Variants in ZNF761 observed in about 807,000 individuals in gnomAD.
The protein encoded by ZNF761 is zinc finger protein 761.
ZNF761 carries 43 observed loss-of-function variants against 59.9 expected under a neutral mutation model. The ratio of observed to expected loss-of-function variants is 0.72; its 90% CI spans 0.56 to 0.92. The LOEUF is 0.92. Ranked by LOEUF, ZNF761 falls within the 40% of genes least tolerant of loss-of-function variation. ZNF761 has a pLI of 0.00. For missense variants in ZNF761, 850 were observed against 906.1 expected (o/e 0.94, Z 0.79); for synonymous variants, 294 against 304.8 (o/e 0.96, Z 0.37).
chr19:53,435,288 C>T (rs566241206), intron 1 of ZNF761, among the ~76,000 whole-genome samples: 13 of 104,628 alleles, frequency 1.2e-4, no homozygotes, highest in African/African-American at 4.6e-4. Context: ...AAATACAAGT[C>T]CTTTTTTTTT....
Position 53,456,430 on chromosome 19 carries a change from A to G in ZNF761, c.1923A>G (p.Lys641=). ...CTTACAAATGTGAAGAATGTGACAA[A>G]GCTTTCCGTGTGAAATCAAACCTTG... The part of the protein sequence containing the change: ...EKPYKCEECD[K]AFRVKSNLEG... The change falls in exon 5 of 5, where the codon AAA becomes AAG. Residue 641 remains lysine (K), a synonymous_variant. Coordinates refer to ENST00000684525, the MANE Select transcript of ZNF761 (RefSeq NM_001289951.2). 6.2e-7 allele frequency: 1 copy of G among 1,612,492 alleles called. No individual in the cohort carries two copies. Among genetic ancestry groups the G allele is most frequent in the Non-Finnish European group, 8.5e-7 (1 of 1,179,676 alleles).
chr19:53,449,417 A>G, intron 3 of ZNF761, 95 bp from the exon 4 acceptor site: 1 of 1,603,338 alleles, frequency 6.2e-7, no homozygotes, highest in East Asian at 2.2e-5. Flanking sequence ...CATTCACTGC[A>G]TTTAAATCCA....
chr19:53,442,318 G>A (rs191483093), intron 1 of ZNF761: 28 of 1,206,530 alleles, frequency 2.3e-5, no homozygotes, highest in South Asian at 2.1e-4. Context: ...GCAGAGTCCC[G>A]TTGCTGAGAG....
chr19:53,436,534 C>A (rs1302748042), intron 1 of ZNF761, among the ~76,000 whole-genome samples: 1 of 152,210 alleles, frequency 6.6e-6, no homozygotes, highest in Non-Finnish European at 1.5e-5. Flanking sequence ...AAGAGCTGAT[C>A]TTATCTCAGA....
At chr19:53,450,662 T>C (rs1276487479) in intron 4 of ZNF761, among the ~76,000 whole-genome samples, 1 of 152,128 alleles carries the variant, frequency 6.6e-6, no homozygotes, top group Non-Finnish European at 1.5e-5. Flanking sequence ...TACAGTTCAG[T>C]GGTACGATCT....
intron 2 of ZNF761, 34 bp from the exon 3 acceptor site, chr19:53,447,162 T>A (rs1426802054): frequency 1.4e-6 from 2 of 1,447,096 alleles, no homozygotes; most frequent in Non-Finnish European, 1.9e-6. Context: ...GCGTGTTGAT[T>A]CTGAGCAATA....
At chr19:53,441,849 G>C (rs1432075525) in intron 1 of ZNF761, 2 of 1,556,040 alleles carry the variant, frequency 1.3e-6, no homozygotes, top group Admixed American at 1.7e-5. Context: ...GTGAGCAGTA[G>C]CTGGGTGGGC....
At chr19:53,447,523 G>A (rs1443505643) in intron 3 of ZNF761, among the ~76,000 whole-genome samples, 1 of 152,162 alleles carries the variant, frequency 6.6e-6, no homozygotes, top group East Asian at 1.9e-4. Flanking sequence ...CCCAGACATG[G>A]ATGGAGACGG....
In ZNF761 at chr19:53,435,289, C is replaced by CTTTTTTTTTTTTTTT. The variant is rs368157010; in HGVS notation, c.-185+3279_-185+3293dup. 2.4e-4 allele frequency among the ~76,000 whole-genome samples: 13 copies of CTTTTTTTTTTTTTTT among 53,616 alleles called. 1 individual carries two copies. Among genetic ancestry groups the CTTTTTTTTTTTTTTT allele is most frequent in the African/African-American group, 8.9e-4 (11 of 12,362 alleles). The allele number at this position is 53,616 out of a possible 152,430, so 35.2% of individuals were successfully genotyped here. On this transcript the variant is annotated intron_variant, in intron 1 of 4. Coordinates refer to ENST00000684525, the MANE Select transcript of ZNF761 (RefSeq NM_001289951.2). ...GGTCGTCTGGCTATAAATACAAGTC[C>CTTTTTTTTTTTTTTT]TTTTTTTTTTTTTTTTTTTTTTTTT...
At chr19:53,448,862 T>C (rs973060611) in intron 3 of ZNF761, among the ~76,000 whole-genome samples, 1 of 151,092 alleles carries the variant, frequency 6.6e-6, no homozygotes, top group African/African-American at 2.4e-5. Context: ...AACCTCTGCC[T>C]CCTGGGATCA....
At position 53,447,287 on chromosome 19, in the gene ZNF761, A is replaced by G. The variant is rs373417845; in HGVS notation, c.15+4A>G. On this transcript the variant is annotated splice_donor_region_variant and intron_variant, in intron 3 of 4. Coordinates refer to ENST00000684525, the MANE Select transcript of ZNF761 (RefSeq NM_001289951.2). ...GTCAGGGATGGCTTTTTCTCAGGTGAGATGATATTTTCAGTGGATTGTTCT... is the reference window on the plus strand; with the variant it reads ...GTCAGGGATGGCTTTTTCTCAGGTGGGATGATATTTTCAGTGGATTGTTCT... The G allele has an allele frequency of 2.2e-5, 36 of 1,613,136 alleles. No individual in the cohort carries two copies. The highest frequency in any genetic ancestry group is 2.7e-5 in the Non-Finnish European group (32 of 1,179,576).
intron 1 of ZNF761, among the ~76,000 whole-genome samples, chr19:53,434,193 A>G (rs551882514): frequency 9.9e-5 from 15 of 152,196 alleles, no homozygotes; most frequent in Non-Finnish European, 2.2e-4. Flanking sequence ...GTGCCCAGGT[A>G]GCTGGCCTAG....
chr19:53,434,637 AG>A (rs2086017408), intron 1 of ZNF761, among the ~76,000 whole-genome samples: 1 of 152,188 alleles, frequency 6.6e-6, no homozygotes, highest in Admixed American at 6.5e-5. Context: ...AGTCTGTAAA[AG>A]CTTTTCCTTA....
At chr19:53,437,351 C>T (rs2708807) in intron 1 of ZNF761, among the ~76,000 whole-genome samples, 110,921 of 151,598 alleles carry the variant, frequency 0.73, 40,992 homozygotes, top group Non-Finnish European at 0.77. Context: ...CACTACATAA[C>T]GTTGCTAATG....
rs757413886 is a variant in ZNF761 at position 53,456,442 on chromosome 19, G to C, written c.1935G>C (p.Val645=). The change falls in exon 5 of 5, where the codon GTG becomes GTC. Residue 645 remains valine, a synonymous_variant. Transcript: ENST00000684525. ...AAGAATGTGACAAAGCTTTCCGTGT[G>C]AAATCAAACCTTGAAGGACATAGGA... ...KCEECDKAFR[V]KSNLEGHRRI... is the part of the protein sequence containing the mutation. 6.2e-7 allele frequency: 1 copy of C among 1,612,740 alleles called. No individual in the cohort carries two copies. Among genetic ancestry groups the C allele is most frequent in the African/African-American group, 1.3e-5 (1 of 74,532 alleles).
chr19:53,450,661 G>A (rs1172974660), intron 4 of ZNF761, among the ~76,000 whole-genome samples: 1 of 152,082 alleles, frequency 6.6e-6, no homozygotes, highest in African/African-American at 2.4e-5. Context: ...CTACAGTTCA[G>A]TGGTACGATC....
rs1427938718 is a variant in ZNF761, at chr19:53,441,678, C to A, written c.-184-4549C>A. ...GCCAGGCTGGCCTTGAACTCCTGACCTCAGGTGATCCACTCGCCTTGGCCT... is the reference window on the plus strand; with the variant it reads ...GCCAGGCTGGCCTTGAACTCCTGACATCAGGTGATCCACTCGCCTTGGCCT... On this transcript the variant is annotated intron_variant, in intron 1 of 4. Coordinates refer to ENST00000684525, the MANE Select transcript of ZNF761 (RefSeq NM_001289951.2). 9 of 481,866 alleles carry A rather than the reference C, an allele frequency of 1.9e-5. No homozygotes were observed. In the East Asian group the frequency reaches 3.4e-4, roughly 18 times the overall value. 29.8% of individuals were successfully genotyped at this position (481,866 alleles called of 1,614,324 possible). A position where few individuals can be genotyped will look rare whatever the true frequency, so the allele number is the denominator to read the frequency against.
In ZNF761 at chr19:53,441,741, C is replaced by A. The variant is rs546137939; in HGVS notation, c.-184-4486C>A. ...GGGATTACAGGCATGAATGACCATGCCCGGCTGAGATAAATCTTAGTTTTC... is the reference window on the plus strand; with the variant it reads ...GGGATTACAGGCATGAATGACCATGACCGGCTGAGATAAATCTTAGTTTTC... On this transcript the variant is annotated intron_variant, in intron 1 of 4. Coordinates refer to ENST00000684525, the MANE Select transcript of ZNF761 (RefSeq NM_001289951.2). 1.5e-5 allele frequency: 11 copies of A among 723,110 alleles called. No homozygotes were observed. In the South Asian group the frequency reaches 1.7e-4, roughly 11 times the overall value. The allele number at this position is 723,110 out of a possible 1,614,324, so 44.8% of individuals were successfully genotyped here.
intron 3 of ZNF761, 51 bp from the exon 4 acceptor site, chr19:53,449,461 A>C: frequency 6.2e-6 from 10 of 1,613,750 alleles, no homozygotes; most frequent in Non-Finnish European, 8.5e-6. Flanking sequence ...TTTTCTGTAA[A>C]GATAAGAACT....
Sources: allele counts gnomAD v4.1 joint callset (sites outside exome capture counted in the v4.1 genomes callset), GRCh38; gene constraint gnomAD v4.1.1; transcripts MANE v1.5; gene names NCBI Gene and HGNC (gene_info 2026-07-23, HGNC 2026-07-21).